Variants in PTPRN2 observed in about 807,000 individuals in gnomAD.
PTPRN2 encodes the protein receptor-type tyrosine-protein phosphatase N2.
PTPRN2 carries 74 observed loss-of-function variants against 118.8 expected under a neutral mutation model. That is an observed-to-expected ratio of 0.62 (90% CI 0.52 to 0.76). The LOEUF is 0.76. Ranked by LOEUF, PTPRN2 falls within the 30% of genes least tolerant of loss-of-function variation. PTPRN2 has a pLI of 0.00. For synonymous variants in PTPRN2, 641 were observed against 608.0 expected (o/e 1.05, Z -0.80); for missense variants, 1,481 against 1,394.4 (o/e 1.06, Z -0.99).
chr7:158,192,451 TC>T lies in PTPRN2; in HGVS notation c.424del (p.Glu142ArgfsTer52). ...GGCGTTGGCCAGGGCAGCACCGCCCTCCCGACTGTACCTCCTCTCGCTGCCA... is the reference window on the plus strand; with the variant it reads ...GGCGTTGGCCAGGGCAGCACCGCCCTCCGACTGTACCTCCTCTCGCTGCCA... The part of the protein sequence containing the change: ...SVGSERRYSR[E>X]GGAALANALR... On this transcript the variant is annotated frameshift_variant, in exon 5 of 23. Coordinates refer to ENST00000389418, the MANE Select transcript of PTPRN2 (RefSeq NM_002847.5). LOFTEE classifies it high-confidence loss of function. 1 of 1,571,620 alleles carries T rather than the reference TC, an allele frequency of 6.4e-7. No homozygotes were observed. The highest frequency in any genetic ancestry group is 1.4e-5 in the African/African-American group (1 of 71,974).
rs140221097 is a variant in PTPRN2 at position 157,718,211 on chromosome 7, G to A, written c.1789-35274C>T. 1.7e-4 allele frequency among the ~76,000 whole-genome samples: 26 copies of A among 152,384 alleles called. No homozygotes were observed. In the East Asian group the frequency reaches 4.6e-3, roughly 27 times the overall value. On this transcript the variant is annotated intron_variant, in intron 12 of 22. Transcript: ENST00000389418. ...TAAGATCAGAACAATTTGAATGAAC[G>A]TGGCAAATGAATTTAGAGTTTTTGA... is the stretch of plus-strand genomic sequence containing the variant.
intron 21 of PTPRN2, among the ~76,000 whole-genome samples, chr7:157,557,541 C>G (rs1173479614): frequency 1.2e-5 from 1 of 86,780 alleles, no homozygotes; most frequent in East Asian, 2.6e-4. Context: ...CCACACCCAT[C>G]ACACACACTC....
intron 14 of PTPRN2, among the ~76,000 whole-genome samples, chr7:157,635,005 A>G (rs1348735737): frequency 6.6e-6 from 1 of 152,168 alleles, no homozygotes; most frequent in African/African-American, 2.4e-5. Flanking sequence ...TTAAGTCCAG[A>G]ACACACGTGA....
chr7:157,860,437 T>C (rs57426645), intron 12 of PTPRN2, among the ~76,000 whole-genome samples: 2 of 152,156 alleles, frequency 1.3e-5, no homozygotes, highest in African/African-American at 4.8e-5. Context: ...TATCGAACAC[T>C]CTTGGAGCTT....
chr7:157,979,883 TC>T (rs1189487736), intron 11 of PTPRN2, among the ~76,000 whole-genome samples: 6 of 151,972 alleles, frequency 3.9e-5, no homozygotes, highest in African/African-American at 1.5e-4. Flanking sequence ...CTCATGTGAG[TC>T]CCAGAGCCAG....
chr7:158,340,665 C>T (rs1224005925), intron 2 of PTPRN2, among the ~76,000 whole-genome samples: 5 of 99,014 alleles, frequency 5.0e-5, no homozygotes, highest in African/African-American at 1.5e-4. Context: ...GCAGACGTCA[C>T]TCACACCCAC....
intron 13 of PTPRN2, among the ~76,000 whole-genome samples, chr7:157,658,636 G>A (rs1300600322): frequency 6.6e-6 from 1 of 152,206 alleles, no homozygotes; most frequent in African/African-American, 2.4e-5. Flanking sequence ...TCAGGGTGCA[G>A]CCTGGGTGCC....
intron 2 of PTPRN2, among the ~76,000 whole-genome samples, chr7:158,489,246 G>A (rs1286840144): frequency 6.6e-6 from 1 of 152,154 alleles, no homozygotes; most frequent in Non-Finnish European, 1.5e-5. Context: ...AGGAGTTCGA[G>A]ACCAGCCTGG....
At chr7:158,407,763 C>T (rs1201842540) in intron 2 of PTPRN2, among the ~76,000 whole-genome samples, 4 of 152,174 alleles carry the variant, frequency 2.6e-5, no homozygotes, top group Non-Finnish European at 5.9e-5. Flanking sequence ...AAGCAGAGCC[C>T]GGCTGCAGCC....
chr7:157,960,079 A>G (rs558979423), intron 11 of PTPRN2, among the ~76,000 whole-genome samples: 164 of 151,904 alleles, frequency 1.1e-3, no homozygotes, highest in Non-Finnish European at 2.0e-3. Context: ...AGTTGTATAT[A>G]TAAGAGGACA....
chr7:158,150,561 G>A (rs1048360162), intron 6 of PTPRN2, among the ~76,000 whole-genome samples: 6 of 151,978 alleles, frequency 3.9e-5, no homozygotes, highest in Non-Finnish European at 2.9e-5. Flanking sequence ...AAACAAGTGG[G>A]CATTTCTAGA....
At chr7:158,146,786 T>A (rs1820094021) in intron 6 of PTPRN2, among the ~76,000 whole-genome samples, 1 of 149,790 alleles carries the variant, frequency 6.7e-6, no homozygotes, top group Admixed American at 6.6e-5. Flanking sequence ...TCTTGAGGGC[T>A]ACAACATTGT....
Position 157,615,987 on chromosome 7 carries a change from C to T in PTPRN2, c.2344+5375G>A, listed in dbSNP as rs1802747762. The T allele has an allele frequency of 4.3e-6, 1 of 231,980 alleles. No individual in the cohort carries two copies. Among genetic ancestry groups the T allele is most frequent in the African/African-American group, 2.3e-5 (1 of 43,892 alleles). 14.4% of individuals were successfully genotyped at this position (231,980 alleles called of 1,614,324 possible). On this transcript the variant is annotated intron_variant, in intron 15 of 22. Transcript: ENST00000389418. This position sits in a 1 kb window ranked among gnomAD's most constrained non-coding sequence, Gnocchi z 4.3. Reference sequence around the variant, plus strand: ...GGGAGGCCTGATCCAGGAAGAAGCACACCGTGGCCTGGGGCCCCTCTGGAG... The same window carrying T: ...GGGAGGCCTGATCCAGGAAGAAGCATACCGTGGCCTGGGGCCCCTCTGGAG...
intron 12 of PTPRN2, among the ~76,000 whole-genome samples, chr7:157,713,110 C>T (rs894600471): frequency 2.0e-5 from 3 of 152,178 alleles, no homozygotes; most frequent in Non-Finnish European, 2.9e-5. Context: ...ACAGTGGACT[C>T]ACACTGGCTC....
chr7:157,731,874 CCGCCCCATGCGCCCAG>C (rs1235251366), intron 12 of PTPRN2, among the ~76,000 whole-genome samples: 7 of 75,162 alleles, frequency 9.3e-5, no homozygotes, highest in Non-Finnish European at 1.3e-4. Flanking sequence ...TTACTCTTTT[CCGCCCCATGCGCCCAG>C]CACAGTTACT....
chr7:158,566,486 G>T (rs1383402857), intron 1 of PTPRN2, among the ~76,000 whole-genome samples: 1 of 152,190 alleles, frequency 6.6e-6, no homozygotes, highest in Non-Finnish European at 1.5e-5. Flanking sequence ...GGCAGCCCCG[G>T]GCCAGGCATC....
chr7:157,747,552 C>G (rs983173687), intron 12 of PTPRN2, among the ~76,000 whole-genome samples: 1 of 77,138 alleles, frequency 1.3e-5, no homozygotes, highest in Non-Finnish European at 2.4e-5. Context: ...GAGCTGTGGG[C>G]TGTTGAGGTG....
At chr7:158,027,477 G>C (rs73171503) in intron 11 of PTPRN2, 9,326 of 152,250 alleles carry the variant, frequency 0.061, 320 homozygotes, top group Admixed American at 0.092. Flanking sequence ...TGGCCAAATC[G>C]TGAGTTCCAG....
At chr7:158,406,962 C>T (rs928616813) in intron 2 of PTPRN2, among the ~76,000 whole-genome samples, 4 of 152,168 alleles carry the variant, frequency 2.6e-5, no homozygotes, top group Admixed American at 2.6e-4. Context: ...ACAGGCCTCG[C>T]CCACAGCAAA....
Sources: allele counts gnomAD v4.1 joint callset (sites outside exome capture counted in the v4.1 genomes callset), GRCh38; gene constraint gnomAD v4.1.1; non-coding constraint Gnocchi (gnomAD v3.1); transcripts MANE v1.5; gene names NCBI Gene and HGNC (gene_info 2026-07-23, HGNC 2026-07-21).